The following PAFAH1B1 variants were observed in gnomAD, a reference collection of about 807,000 sequenced individuals.
PAFAH1B1 encodes platelet-activating factor acetylhydrolase IB subunit beta.
Under a neutral mutation model 57.5 loss-of-function variants are expected in PAFAH1B1, and 2 were observed. The ratio of observed to expected loss-of-function variants is 0.03; its 90% CI spans 0.01 to 0.11. PAFAH1B1 has a LOEUF of 0.11. PAFAH1B1 is among the 10% of genes least tolerant of loss of function. The pLI, the probability that PAFAH1B1 is intolerant of heterozygous loss-of-function variation, is 1.00. For synonymous variants in PAFAH1B1, 152 were observed against 169.6 expected (o/e 0.90, Z 0.81); for missense variants, 257 against 512.0 (o/e 0.50, Z 4.81).
At chr17:2,644,761 A>G (rs896217363) in intron 2 of PAFAH1B1, among the ~76,000 whole-genome samples, 6 of 152,092 alleles carry the variant, frequency 3.9e-5, no homozygotes, top group African/African-American at 9.7e-5. Flanking sequence ...TTCTGAGTCA[A>G]TTCAGATCTG....
At chr17:2,664,665 G>GCGCTCTCTCTCTCCCTCTCTCT in intron 2 of PAFAH1B1, among the ~76,000 whole-genome samples, 1 of 86,028 alleles carries the variant, frequency 1.2e-5, no homozygotes, top group Non-Finnish European at 2.6e-5. Flanking sequence ...TCTATCTATC[G>GCGCTCTCTCTCTCCCTCTCTCT]CTCTCTCTCT....
At chr17:2,599,869 A>G (rs563465977) in intron 1 of PAFAH1B1, among the ~76,000 whole-genome samples, 1 of 152,278 alleles carries the variant, frequency 6.6e-6, no homozygotes, top group South Asian at 2.1e-4. Context: ...CAAAAGTAAA[A>G]TTAAGAATCT....
At chr17:2,608,698 G>A (rs974469947) in intron 1 of PAFAH1B1, among the ~76,000 whole-genome samples, 92 of 152,164 alleles carry the variant, frequency 6.0e-4, no homozygotes, top group African/African-American at 5.1e-4. Flanking sequence ...GTTTGAGGTC[G>A]CTGTGAGCTG....
chr17:2,677,352 A>G (rs1403417376), intron 9 of PAFAH1B1, among the ~76,000 whole-genome samples: 5 of 152,214 alleles, frequency 3.3e-5, no homozygotes, highest in Non-Finnish European at 7.3e-5. Flanking sequence ...ATAGAAAGAT[A>G]TGTCAATACT....
At chr17:2,662,728 C>T (rs1675097638) in intron 2 of PAFAH1B1, among the ~76,000 whole-genome samples, 1 of 151,988 alleles carries the variant, frequency 6.6e-6, no homozygotes, top group South Asian at 2.1e-4. Context: ...TATAGTATTA[C>T]TGGTTTTGGT....
At chr17:2,675,495 T>G (rs1250951505) in intron 8 of PAFAH1B1, among the ~76,000 whole-genome samples, 1 of 152,188 alleles carries the variant, frequency 6.6e-6, no homozygotes, top group African/African-American at 2.4e-5. Context: ...CTGGTGGTGG[T>G]TACATGCTGT....
chr17:2,597,893 T>C (rs1411107880), intron 1 of PAFAH1B1, among the ~76,000 whole-genome samples: 3 of 152,056 alleles, frequency 2.0e-5, no homozygotes, highest in Non-Finnish European at 2.9e-5. Context: ...GTTCATGTTA[T>C]TCATAATTTG....
intron 10 of PAFAH1B1, among the ~76,000 whole-genome samples, chr17:2,680,562 G>A (rs2069367118): frequency 6.6e-6 from 1 of 152,128 alleles, no homozygotes; most frequent in Non-Finnish European, 1.5e-5. Flanking sequence ...CATTGGTTTT[G>A]GAAACCACAA....
At chr17:2,616,848 G>A (rs2068348487) in intron 1 of PAFAH1B1, among the ~76,000 whole-genome samples, 1 of 152,140 alleles carries the variant, frequency 6.6e-6, no homozygotes, top group East Asian at 1.9e-4. Context: ...CAGATCACGA[G>A]GTCAAGAGAT....
chr17:2,652,138 A>G (rs890152749), intron 2 of PAFAH1B1, among the ~76,000 whole-genome samples: 5 of 131,910 alleles, frequency 3.8e-5, no homozygotes, highest in East Asian at 2.3e-4. Flanking sequence ...TAGGCCAGAC[A>G]CAGTGGCTCA....
At chr17:2,597,649 T>C (rs1018810783) in intron 1 of PAFAH1B1, among the ~76,000 whole-genome samples, 1 of 151,608 alleles carries the variant, frequency 6.6e-6, no homozygotes, top group African/African-American at 2.4e-5. Flanking sequence ...GACCTCGTGA[T>C]CCGCCCGCCT....
At chr17:2,604,488 A>G (rs1329112214) in intron 1 of PAFAH1B1, among the ~76,000 whole-genome samples, 1 of 152,196 alleles carries the variant, frequency 6.6e-6, no homozygotes, top group African/African-American at 2.4e-5. Flanking sequence ...AAGACAGCCA[A>G]GAGATGATAC....
At chr17:2,599,438 T>C (rs1597506434) in intron 1 of PAFAH1B1, among the ~76,000 whole-genome samples, 1 of 152,224 alleles carries the variant, frequency 6.6e-6, no homozygotes, top group Admixed American at 6.5e-5. Flanking sequence ...TATTAACATA[T>C]GGTCTTGTAT....
At chr17:2,602,799 A>C (rs2068160088) in intron 1 of PAFAH1B1, among the ~76,000 whole-genome samples, 1 of 152,168 alleles carries the variant, frequency 6.6e-6, no homozygotes, top group South Asian at 2.1e-4. Flanking sequence ...AGTGCTTTAC[A>C]AGTATTCGTT....
At chr17:2,616,431 C>G (rs1046464659) in intron 1 of PAFAH1B1, among the ~76,000 whole-genome samples, 1 of 152,122 alleles carries the variant, frequency 6.6e-6, no homozygotes, top group African/African-American at 2.4e-5. Context: ...GTAGGGTAGG[C>G]TGACAGGCCG....
chr17:2,626,138 CA>C (rs1449306726), intron 1 of PAFAH1B1, among the ~76,000 whole-genome samples: 1 of 151,842 alleles, frequency 6.6e-6, no homozygotes, highest in African/African-American at 2.4e-5. Flanking sequence ...CCTGTAATAC[CA>C]GCTACTCGGG....
intron 1 of PAFAH1B1, among the ~76,000 whole-genome samples, chr17:2,622,810 G>A (rs2068441534): frequency 6.6e-6 from 1 of 152,220 alleles, no homozygotes; most frequent in Non-Finnish European, 1.5e-5. Flanking sequence ...TGAGGGCCCT[G>A]TCCCTGCAGC....
At chr17:2,649,479 C>T (rs2068819835) in intron 2 of PAFAH1B1, among the ~76,000 whole-genome samples, 1 of 151,098 alleles carries the variant, frequency 6.6e-6, no homozygotes, top group African/African-American at 2.4e-5. Flanking sequence ...GAGGCTGAGG[C>T]AGGAGGATCG....
At chr17:2,670,092 G>A (rs1464392134) in intron 5 of PAFAH1B1, 71 bp from the exon 6 acceptor site, 1 of 1,301,384 alleles carries the variant, frequency 7.7e-7, no homozygotes, top group Non-Finnish European at 1.1e-6. Flanking sequence ...AGACTGGCCT[G>A]CTGAGTGCAA....
Sources: gnomAD v4.1 joint callset for allele counts (sites outside exome capture counted in the v4.1 genomes callset) on GRCh38, gnomAD v4.1.1 for gene constraint, MANE v1.5 for transcripts, NCBI Gene and HGNC (gene_info 2026-07-23, HGNC 2026-07-21) for gene names.